Variants in FEV observed in about 807,000 individuals in gnomAD.
The protein encoded by FEV is FEV transcription factor, ETS family member.
FEV carries 14 observed loss-of-function variants against 20.5 expected under a neutral mutation model. The observed-to-expected ratio is 0.68, with a 90% CI of 0.45 to 1.07. The LOEUF (loss-of-function observed/expected upper bound fraction) is 1.07, where lower values mean the gene tolerates loss of function less well. Among genes scored for constraint, FEV ranks in the 50% least tolerant of loss-of-function variants. The pLI is 0.00. For missense variants in FEV, 301 were observed against 345.3 expected (o/e 0.87, Z 1.02); for synonymous variants, 188 against 163.7 (o/e 1.15, Z -1.13).
intron 2 of FEV, among the ~76,000 whole-genome samples, chr2:218,983,170 A>G (rs1240418827): frequency 6.6e-6 from 1 of 152,164 alleles, no homozygotes. Flanking sequence ...TGGAGGCAGC[A>G]AGGAGGTTTT....
rs1382816038 is a variant in FEV, at chr2:218,982,170, G to C, written c.214C>G (p.His72Asp). 1.9e-6 allele frequency: 3 copies of C among 1,612,826 alleles called. No homozygotes were observed. The highest frequency in any genetic ancestry group is 1.7e-6 in the Non-Finnish European group (2 of 1,179,730). ...GGGTCCGTGAGCTTGAACTCGCCGT[G>C]ACCGCCCTCCCACGCGATGCAGCCG... The part of the protein sequence containing the change: ...NAGCIAWEGG[H>D]GEFKLTDPDE... Residue 72 changes from histidine (H) to aspartate (D), a missense_variant, in exon 3 of 3, where the codon CAC (histidine) becomes GAC (aspartate). By Grantham distance (81) the His-to-Asp change is moderately conservative. Coordinates refer to ENST00000295727, the MANE Select transcript of FEV (RefSeq NM_017521.3).
rs139049927 is a variant in FEV at position 218,981,466 on chromosome 2, C to T, written c.*201G>A. ...GCACATCGCCCTCCTCAGGGGACTG[C>T]GGGGTGGGACAGGAGCAAATCTAGT... On this transcript the variant is annotated 3_prime_UTR_variant, in exon 3 of 3. Coordinates refer to ENST00000295727, the MANE Select transcript of FEV (RefSeq NM_017521.3). The surrounding 1 kb of genome is among the most constrained non-coding windows in gnomAD (Gnocchi z 4.5). 12 of 414,364 alleles carry T rather than the reference C, an allele frequency of 2.9e-5. No homozygotes were observed. The highest frequency in any genetic ancestry group is 4.1e-5 in the African/African-American group (2 of 49,010). 25.7% of individuals were successfully genotyped at this position (414,364 alleles called of 1,614,324 possible).
chr2:218,982,276 C>A lies in FEV; in HGVS notation c.128-20G>T. 3 of 1,547,926 alleles carry A rather than the reference C, an allele frequency of 1.9e-6. No individual in the cohort carries two copies. The South Asian group carries it at 3.6e-5, about 18-fold the overall frequency. Reference sequence around the variant, plus strand: ...CGCTGCCTGTGGGGAGGGGGGCGGTCAGCCACAGGCGGGAGCGGGGAGGCG... The same window carrying A: ...CGCTGCCTGTGGGGAGGGGGGCGGTAAGCCACAGGCGGGAGCGGGGAGGCG... On this transcript the variant is annotated intron_variant, in intron 2 of 2. Transcript: ENST00000295727.
In FEV at chr2:218,985,153, G is replaced by T; in HGVS notation, c.-78C>A. 5 of 1,156,246 alleles carry T rather than the reference G, an allele frequency of 4.3e-6. No individual in the cohort carries two copies. Among genetic ancestry groups the T allele is most frequent in the Non-Finnish European group, 5.9e-6 (5 of 840,768 alleles). 71.6% of individuals were successfully genotyped at this position (1,156,246 alleles called of 1,614,324 possible). ...GGCAGGCTTTGCGCTCGGTGGCACC[G>T]ATCCCCGCCCGAAGCGACCGCGGGT... On this transcript the variant is annotated 5_prime_UTR_variant, in exon 1 of 3. Coordinates refer to ENST00000295727, the MANE Select transcript of FEV (RefSeq NM_017521.3).
rs766530727 is a variant in FEV, at chr2:218,982,079, C to T, written c.305G>A (p.Ser102Asn). The change falls in exon 3 of 3, where the codon AGC (serine) becomes AAC (asparagine). Residue 102 changes from serine to asparagine, a missense_variant. By Grantham distance (46) the Ser-to-Asn change is conservative. Transcript: ENST00000295727. ...SKPNMNYDKL[S>N]RALRYYYDKN... ...GTCGTAGTAGTAGCGCAGGGCGCGG[C>T]TCAGCTTGTCGTAGTTCATGTTGGG... 1 of 1,613,872 alleles carries T rather than the reference C, an allele frequency of 6.2e-7. No individual in the cohort carries two copies. Among genetic ancestry groups the T allele is most frequent in the Non-Finnish European group, 8.5e-7 (1 of 1,179,872 alleles).
intron 2 of FEV, among the ~76,000 whole-genome samples, chr2:218,982,649 C>A (rs1023323386): frequency 3.9e-5 from 6 of 152,210 alleles, no homozygotes; most frequent in African/African-American, 9.7e-5. Flanking sequence ...CTCAGCCGGG[C>A]GCCCTTATTT....
At position 218,981,634 on chromosome 2, in the gene FEV, G is replaced by A; in HGVS notation, c.*33C>T. On this transcript the variant is annotated 3_prime_UTR_variant, in exon 3 of 3. Transcript: ENST00000295727. The surrounding 1 kb of genome is among the most constrained non-coding windows in gnomAD (Gnocchi z 4.5). ...TGGGATCGGGCGAGACTCTAGGCGT[G>A]CGGGCGAGGCCGCAGGCACCCGACC... The A allele has an allele frequency of 1.6e-6, 2 of 1,276,100 alleles. No individual in the cohort carries two copies. Among genetic ancestry groups the A allele is most frequent in the Non-Finnish European group, 2.0e-6 (2 of 1,012,082 alleles). The allele number at this position is 1,276,100 out of a possible 1,614,324, so 79.0% of individuals were successfully genotyped here.
Position 218,985,151 on chromosome 2 carries a change from C to G in FEV, c.-76G>C, listed in dbSNP as rs1945428874. ...GAGGCAGGCTTTGCGCTCGGTGGCACCGATCCCCGCCCGAAGCGACCGCGG... is the reference window on the plus strand; with the variant it reads ...GAGGCAGGCTTTGCGCTCGGTGGCAGCGATCCCCGCCCGAAGCGACCGCGG... On this transcript the variant is annotated 5_prime_UTR_variant, in exon 1 of 3. Coordinates refer to ENST00000295727, the MANE Select transcript of FEV (RefSeq NM_017521.3). The G allele has an allele frequency of 8.6e-7, 1 of 1,158,174 alleles. No homozygotes were observed. The highest frequency in any genetic ancestry group is 1.2e-6 in the Non-Finnish European group (1 of 842,262). The allele number at this position is 1,158,174 out of a possible 1,614,324, so 71.7% of individuals were successfully genotyped here.
chr2:218,985,080 G>T lies in FEV; in HGVS notation c.-5C>A. The T allele has an allele frequency of 6.4e-7, 1 of 1,550,664 alleles. No individual in the cohort carries two copies. The highest frequency in any genetic ancestry group is 8.7e-7 in the Non-Finnish European group (1 of 1,146,808). On this transcript the variant is annotated 5_prime_UTR_variant, in exon 1 of 3. Coordinates refer to ENST00000295727, the MANE Select transcript of FEV (RefSeq NM_017521.3). ...GGAGGCGCCGCTCTGTCTCATCGCCGCCGGGGACTGGGCGGTGGGAGATGG... is the reference window on the plus strand; with the variant it reads ...GGAGGCGCCGCTCTGTCTCATCGCCTCCGGGGACTGGGCGGTGGGAGATGG...
intron 2 of FEV, among the ~76,000 whole-genome samples, chr2:218,983,697 G>T (rs1291067414): frequency 6.6e-6 from 1 of 152,220 alleles, no homozygotes; most frequent in Non-Finnish European, 1.5e-5. Flanking sequence ...AGAGCCAGCC[G>T]TCAAAAGGGT....
chr2:218,982,310 G>A (rs1006509151), intron 2 of FEV, 54 bp from the exon 3 acceptor site: 1 of 1,468,288 alleles, frequency 6.8e-7, no homozygotes. Flanking sequence ...CGGGAACTGG[G>A]GAAGAGTGCT....
rs1945395053 is a variant in FEV, at chr2:218,982,100, T to C, written c.284A>G (p.Asn95Ser). 4 of 1,613,728 alleles carry C rather than the reference T, an allele frequency of 2.5e-6. No homozygotes were observed. The highest frequency in any genetic ancestry group is 2.2e-5 in the South Asian group (2 of 91,084). The change falls in exon 3 of 3, where the codon AAC becomes AGC. Residue 95 changes from asparagine to serine, a missense_variant. Coordinates refer to ENST00000295727, the MANE Select transcript of FEV (RefSeq NM_017521.3). ...RRWGERKSKP[N>S]MNYDKLSRAL... ...GCGGCTCAGCTTGTCGTAGTTCATG[T>C]TGGGCTTGCTCTTGCGCTCGCCCCA... is the stretch of plus-strand genomic sequence containing the variant.
Position 218,984,340 on chromosome 2 carries a change from C to T in FEV, c.53-35G>A. 1.3e-6 allele frequency: 2 copies of T among 1,551,078 alleles called. No individual in the cohort carries two copies. Among genetic ancestry groups the T allele is most frequent in the South Asian group, 2.4e-5 (2 of 84,566 alleles). On this transcript the variant is annotated intron_variant, in intron 1 of 2. Transcript: ENST00000295727. The surrounding 1 kb of genome is among the most constrained non-coding windows in gnomAD (Gnocchi z 5.0). ...GCAGAAGAAAAGAATCAGGAGAACC[C>T]CGGGCGGAAGTTGTGGGCTTGACAA...
chr2:218,984,609 G>A lies in FEV; in HGVS notation c.53-304C>T, dbSNP rs1945421614. The A allele has an allele frequency of 2.5e-6, 1 of 401,752 alleles. No homozygotes were observed. The highest frequency in any genetic ancestry group is 4.5e-6 in the Non-Finnish European group (1 of 224,216). 24.9% of individuals were successfully genotyped at this position (401,752 alleles called of 1,614,324 possible). A position where few individuals can be genotyped will look rare whatever the true frequency, so the allele number is the denominator to read the frequency against. ...CCGAGCTGGAGCGCGAAGAGAAGAG[G>A]AGGGTGCCTGGAGGGCCGGCCTGAA... On this transcript the variant is annotated intron_variant, in intron 1 of 2. Transcript: ENST00000295727. This position sits in a 1 kb window ranked among gnomAD's most constrained non-coding sequence, Gnocchi z 5.0.
In FEV at chr2:218,984,235, C is replaced by T; in HGVS notation, c.123G>A (p.Gln41=). ...PSWGPLSPAV[Q]KGSGQIQLWQ... ...CCAGCGCGCCGGCCATCTCACCTTT[C>T]TGAACCGCGGGGCTCAGCGGCCCCC... The change falls in exon 2 of 3, where the codon CAG becomes CAA. Residue 41 remains glutamine (Q), a synonymous_variant. Transcript: ENST00000295727. The surrounding 1 kb of genome is among the most constrained non-coding windows in gnomAD (Gnocchi z 5.0). The T allele has an allele frequency of 3.8e-6, 6 of 1,595,168 alleles. No homozygotes were observed. The highest frequency in any genetic ancestry group is 5.1e-6 in the Non-Finnish European group (6 of 1,171,136).
chr2:218,981,687 A>C lies in FEV; in HGVS notation c.697T>G (p.Leu233Val). ...CCCGTCTAGTGGTAATGGCCCCCCA[A>C]GTGCGAGGCTGCGGCCACGGCCCCG... ...PFGAVAAASH[L>V]GGHYH Residue 233 changes from leucine to valine, a missense_variant, in exon 3 of 3, where the codon TTG becomes GTG. Physicochemically the swap from Leu to Val is conservative, Grantham distance 32. Coordinates refer to ENST00000295727, the MANE Select transcript of FEV (RefSeq NM_017521.3). The surrounding 1 kb of genome is among the most constrained non-coding windows in gnomAD (Gnocchi z 4.5). 1 of 1,341,906 alleles carries C rather than the reference A, an allele frequency of 7.5e-7. No homozygotes were observed. Among genetic ancestry groups the C allele is most frequent in the Non-Finnish European group, 9.5e-7 (1 of 1,052,280 alleles). 83.1% of individuals were successfully genotyped at this position (1,341,906 alleles called of 1,614,324 possible). A position where few individuals can be genotyped will look rare whatever the true frequency, so the allele number is the denominator to read the frequency against.
In FEV at chr2:218,981,632, G is replaced by C. The variant is rs966027577; in HGVS notation, c.*35C>G. 8.6e-6 allele frequency: 11 copies of C among 1,272,956 alleles called. No individual in the cohort carries two copies. Among genetic ancestry groups the C allele is most frequent in the Non-Finnish European group, 1.1e-5 (11 of 1,009,430 alleles). The allele number at this position is 1,272,956 out of a possible 1,614,324, so 78.9% of individuals were successfully genotyped here. A position where few individuals can be genotyped will look rare whatever the true frequency, so the allele number is the denominator to read the frequency against. ...GATGGGATCGGGCGAGACTCTAGGC[G>C]TGCGGGCGAGGCCGCAGGCACCCGA... On this transcript the variant is annotated 3_prime_UTR_variant, in exon 3 of 3. Transcript: ENST00000295727. This position sits in a 1 kb window ranked among gnomAD's most constrained non-coding sequence, Gnocchi z 4.5.
intron 2 of FEV, among the ~76,000 whole-genome samples, chr2:218,983,003 C>T (rs867956327): frequency 1.3e-5 from 2 of 152,192 alleles, no homozygotes; most frequent in African/African-American, 4.8e-5. Flanking sequence ...AATTTGGCCT[C>T]TTATTTTCGG....
At position 218,981,708 on chromosome 2, in the gene FEV, C is replaced by T. The variant is rs1031658325; in HGVS notation, c.676G>A (p.Ala226Thr). Residue 226 changes from alanine (A) to threonine (T), a missense_variant, in exon 3 of 3, where the codon GCC (alanine) becomes ACC (threonine). By Grantham distance (58) the Ala-to-Thr change is moderately conservative. Coordinates refer to ENST00000295727, the MANE Select transcript of FEV (RefSeq NM_017521.3). This position sits in a 1 kb window ranked among gnomAD's most constrained non-coding sequence, Gnocchi z 4.5. ...CCCAAGTGCGAGGCTGCGGCCACGG[C>T]CCCGAAGGGCCCGGGCGGGGGCTGC... ...SLQPPPGPFG[A>T]VAAASHLGGH... The T allele has an allele frequency of 1.5e-6, 2 of 1,340,070 alleles. No homozygotes were observed. Among genetic ancestry groups the T allele is most frequent in the Non-Finnish European group, 1.9e-6 (2 of 1,051,910 alleles). The allele number at this position is 1,340,070 out of a possible 1,614,324, so 83.0% of individuals were successfully genotyped here.
Sources: allele counts gnomAD v4.1 joint callset (sites outside exome capture counted in the v4.1 genomes callset), GRCh38; gene constraint gnomAD v4.1.1; non-coding constraint Gnocchi (gnomAD v3.1); transcripts MANE v1.5; gene names NCBI Gene and HGNC (gene_info 2026-07-23, HGNC 2026-07-21).